Variants in DOCK3 observed in about 807,000 individuals in gnomAD.
DOCK3 encodes dedicator of cytokinesis protein 3.
Under a neutral mutation model 265.6 loss-of-function variants are expected in DOCK3, and 60 were observed. The observed-to-expected ratio is 0.23, with a 90% CI of 0.18 to 0.28. DOCK3 has a LOEUF of 0.28. Ranked by LOEUF, DOCK3 falls within the 10% of genes least tolerant of loss-of-function variation. The pLI is 1.00. For synonymous variants in DOCK3, 881 were observed against 938.0 expected, an observed-to-expected ratio of 0.94 and a Z score of 1.11; for missense variants, 1,981 against 2,594.3, an observed-to-expected ratio of 0.76 and a Z score of 5.14.
At position 51,158,683 on chromosome 3, in the gene DOCK3, A is replaced by T. The variant is rs1195732528; in HGVS notation, c.829-561A>T. ...TTCAATAAGATTATTTTCAACTATA[A>T]TTTAGTACAAATGATAAATATCAGA... On this transcript the variant is annotated intron_variant, in intron 10 of 52. Transcript: ENST00000266037. Among the ~76,000 whole-genome samples, 3 of 152,218 alleles carry T rather than the reference A, an allele frequency of 2.0e-5. No homozygotes were observed. In the East Asian group the frequency reaches 5.8e-4, roughly 29 times the overall value.
At chr3:51,130,393 G>A (rs7614785) in intron 9 of DOCK3, among the ~76,000 whole-genome samples, 129,288 of 152,270 alleles carry the variant, frequency 0.85, 55,399 homozygotes, top group East Asian at 0.93. Context: ...TGCTTCTGGT[G>A]GGCCTTATGG....
At chr3:50,868,756 G>A (rs915686772) in intron 3 of DOCK3, among the ~76,000 whole-genome samples, 1 of 151,992 alleles carries the variant, frequency 6.6e-6, no homozygotes, top group Non-Finnish European at 1.5e-5. Context: ...TAAGTTGGAT[G>A]TCTAGGAATT....
At chr3:50,878,789 T>C (rs1160530721) in intron 3 of DOCK3, among the ~76,000 whole-genome samples, 1 of 152,112 alleles carries the variant, frequency 6.6e-6, no homozygotes, top group Non-Finnish European at 1.5e-5. Flanking sequence ...ACCACAAATA[T>C]ACTCCTCGAG....
chr3:51,232,142 T>G (rs2078148540), intron 19 of DOCK3, among the ~76,000 whole-genome samples: 1 of 152,204 alleles, frequency 6.6e-6, no homozygotes, highest in African/African-American at 2.4e-5. Flanking sequence ...TTTTATGTTT[T>G]TTTTTATAGT....
At chr3:51,140,005 A>G (rs1480527315) in intron 9 of DOCK3, among the ~76,000 whole-genome samples, 1 of 152,250 alleles carries the variant, frequency 6.6e-6, no homozygotes, top group South Asian at 2.1e-4. Context: ...TGTTTCACAC[A>G]AGGCCATGCA....
chr3:50,902,065 T>C (rs1399574029), intron 4 of DOCK3, among the ~76,000 whole-genome samples: 1 of 152,136 alleles, frequency 6.6e-6, no homozygotes, highest in Non-Finnish European at 1.5e-5. Flanking sequence ...CGCTTTTTAG[T>C]GTGGTTGTTT....
chr3:50,958,196 T>C (rs1394390370), intron 5 of DOCK3, among the ~76,000 whole-genome samples: 7 of 152,254 alleles, frequency 4.6e-5, no homozygotes, highest in South Asian at 4.1e-4. Context: ...TCTTTTATTA[T>C]GTTATTCCTC....
rs1436048885 is a variant in DOCK3, at chr3:51,348,737, A to T, written c.3916-115A>T. On this transcript the variant is annotated intron_variant, in intron 38 of 52. Transcript: ENST00000266037. ...TCTTGAGGTATATGTTCTTTGTGAC[A>T]CATGAGTTGGAGCTGGCGGGAGACC... is the stretch of plus-strand genomic sequence containing the variant. 3 of 1,025,478 alleles carry T rather than the reference A, an allele frequency of 2.9e-6. No homozygotes were observed. In the African/African-American group the frequency reaches 4.8e-5, roughly 16 times the overall value. 63.5% of individuals were successfully genotyped at this position (1,025,478 alleles called of 1,614,324 possible). A position where few individuals can be genotyped will look rare whatever the true frequency, so the allele number is the denominator to read the frequency against.
intron 1 of DOCK3, among the ~76,000 whole-genome samples, chr3:50,698,764 T>C (rs935542315): frequency 1.3e-5 from 2 of 152,000 alleles, no homozygotes; most frequent in Non-Finnish European, 2.9e-5. Flanking sequence ...CCCTGATGGC[T>C]GATGATGTTG....
chr3:51,316,811 T>C (rs2083392985), intron 32 of DOCK3, among the ~76,000 whole-genome samples: 1 of 152,242 alleles, frequency 6.6e-6, no homozygotes, highest in African/African-American at 2.4e-5. Flanking sequence ...GTTGCTGCTT[T>C]CCTTATTGTT....
Position 50,970,943 on chromosome 3 carries a change from AT to A in DOCK3, c.315+36867del, listed in dbSNP as rs1559878797. On this transcript the variant is annotated intron_variant, in intron 5 of 52. Transcript: ENST00000266037. ...TATATATATATATATATATATATAT[AT>A]ATAATGTGTGTGTGTGTGTGTGTAT... 8.5e-4 allele frequency among the ~76,000 whole-genome samples: 60 copies of A among 70,912 alleles called. 2 individuals are homozygous for A. Among genetic ancestry groups the A allele is most frequent in the East Asian group, 2.1e-3 (4 of 1,878 alleles). 46.5% of individuals were successfully genotyped at this position (70,912 alleles called of 152,430 possible). A position where few individuals can be genotyped will look rare whatever the true frequency, so the allele number is the denominator to read the frequency against.
chr3:50,753,653 G>A (rs545338707), intron 1 of DOCK3, among the ~76,000 whole-genome samples: 1 of 152,046 alleles, frequency 6.6e-6, no homozygotes, highest in Non-Finnish European at 1.5e-5. Context: ...GTGAGGCACC[G>A]TGTCTCACCC....
intron 3 of DOCK3, among the ~76,000 whole-genome samples, chr3:50,868,861 T>A (rs2107561918): frequency 6.6e-6 from 1 of 151,716 alleles, no homozygotes; most frequent in South Asian, 2.1e-4. Context: ...CAGTGTCAGT[T>A]GTAATGTTTC....
intron 9 of DOCK3, among the ~76,000 whole-genome samples, chr3:51,118,726 CT>C (rs1254179105): frequency 1.3e-5 from 2 of 151,258 alleles, no homozygotes; most frequent in Non-Finnish European, 3.0e-5. Context: ...CCTGCTTTGT[CT>C]TTTTTTTATC....
chr3:50,813,111 G>A (rs2043864053), intron 2 of DOCK3, among the ~76,000 whole-genome samples: 1 of 152,192 alleles, frequency 6.6e-6, no homozygotes, highest in African/African-American at 2.4e-5. Flanking sequence ...AGAATTGTTT[G>A]TAGTAGCAAA....
At chr3:50,871,040 C>T (rs1403662106) in intron 3 of DOCK3, among the ~76,000 whole-genome samples, 1 of 152,060 alleles carries the variant, frequency 6.6e-6, no homozygotes, top group African/African-American at 2.4e-5. Context: ...AGTTTACACA[C>T]TGCAGTTACA....
At chr3:51,173,187 C>T (rs145383995) in intron 12 of DOCK3, among the ~76,000 whole-genome samples, 8 of 152,284 alleles carry the variant, frequency 5.3e-5, no homozygotes, top group African/African-American at 1.7e-4. Context: ...GTGGTACAAT[C>T]GTGGCTCACT....
intron 5 of DOCK3, among the ~76,000 whole-genome samples, chr3:51,041,177 TATATATATATATATATATATATATATA>T (rs1348596072): frequency 7.6e-3 from 86 of 11,304 alleles, no homozygotes; most frequent in African/African-American, 0.026. Flanking sequence ...TATATATATA[TATATATATATATATATATATATATATA>T]TTTTTTTTTT....
intron 32 of DOCK3, among the ~76,000 whole-genome samples, chr3:51,320,687 C>T (rs1195137704): frequency 1.3e-5 from 2 of 152,190 alleles, no homozygotes; most frequent in Admixed American, 1.3e-4. Flanking sequence ...GTTTTACCCT[C>T]ACAGTGGAAA....
Sources: gnomAD v4.1 joint callset for allele counts (sites outside exome capture counted in the v4.1 genomes callset) on GRCh38, gnomAD v4.1.1 for gene constraint, MANE v1.5 for transcripts, NCBI Gene and HGNC (gene_info 2026-07-23, HGNC 2026-07-21) for gene names.